The following MAD1L1 variants were observed in gnomAD, a reference collection of about 807,000 sequenced individuals.
The protein encoded by MAD1L1 is mitotic arrest deficient 1 like 1, also known as mitotic spindle assembly checkpoint protein MAD1.
Under a neutral mutation model 96.9 loss-of-function variants are expected in MAD1L1, and 95 were observed. That is an observed-to-expected ratio of 0.98 (90% CI 0.83 to 1.16). The LOEUF (loss-of-function observed/expected upper bound fraction) is 1.16, where lower values mean the gene tolerates loss of function less well. Ranked by LOEUF, MAD1L1 falls within the 50% of genes most tolerant of loss-of-function variation. The pLI is 0.00. For synonymous variants in MAD1L1, 473 were observed against 396.6 expected (o/e 1.19, Z -2.29); for missense variants, 1,007 against 954.4 (o/e 1.06, Z -0.73).
rs181484415 is a variant in MAD1L1 at position 2,044,767 on chromosome 7, C to T, written c.1218+24427G>A. Among the ~76,000 whole-genome samples, 1,184 of 152,276 alleles carry T rather than the reference C, an allele frequency of 7.8e-3. 11 individuals are homozygous for T. The highest frequency in any genetic ancestry group is 9.8e-3 in the Non-Finnish European group (666 of 68,014). On this transcript the variant is annotated intron_variant, in intron 12 of 18. Transcript: ENST00000265854. Reference sequence around the variant, plus strand: ...GGATGACAAGAACTGGAACTGGAGTCCCAGCTCAGTGAGACAGACCCCAAG... The same window carrying T: ...GGATGACAAGAACTGGAACTGGAGTTCCAGCTCAGTGAGACAGACCCCAAG...
chr7:2,083,626 C>T (rs1158134332), intron 11 of MAD1L1, among the ~76,000 whole-genome samples: 2 of 152,214 alleles, frequency 1.3e-5, no homozygotes, highest in South Asian at 2.1e-4. Flanking sequence ...AGATGTCCCC[C>T]GTGGCCAAGA....
chr7:1,939,409 AT>A (rs1778831206), intron 16 of MAD1L1, among the ~76,000 whole-genome samples: 1 of 152,190 alleles, frequency 6.6e-6, no homozygotes, highest in Admixed American at 6.5e-5. Flanking sequence ...AAGTGCTGAG[AT>A]TCTGCAGCTT....
intron 12 of MAD1L1, among the ~76,000 whole-genome samples, chr7:2,025,065 C>A (rs1782941996): frequency 6.6e-6 from 1 of 152,164 alleles, no homozygotes; most frequent in Non-Finnish European, 1.5e-5. Context: ...AGTACTGGTT[C>A]ATGAACTGTA....
chr7:2,124,761 G>A (rs994859192), intron 11 of MAD1L1, among the ~76,000 whole-genome samples: 1 of 152,244 alleles, frequency 6.6e-6, no homozygotes, highest in South Asian at 2.1e-4. Flanking sequence ...CTGGGTGCCC[G>A]GCGCTTGTGG....
Position 1,957,653 on chromosome 7 carries a change from T to C in MAD1L1, c.1572A>G (p.Ala524=), listed in dbSNP as rs771115149. The change falls in exon 16 of 19, where the codon GCA becomes GCG. Residue 524 remains alanine, a synonymous_variant. Coordinates refer to ENST00000265854, the MANE Select transcript of MAD1L1 (RefSeq NM_001013836.2). ...CCTGCAGAGCTCGCCGCTCCAGCTG[T>C]GCCTCCAGCATCCTCTTTTCCTCCT... ...RLEEEKRMLE[A]QLERRALQGD... is the part of the protein sequence containing the mutation. 6 of 1,614,040 alleles carry C rather than the reference T, an allele frequency of 3.7e-6. No individual in the cohort carries two copies. In the African/African-American group the frequency reaches 6.7e-5, roughly 18 times the overall value.
At chr7:2,214,014 C>T (rs930077356) in intron 9 of MAD1L1, among the ~76,000 whole-genome samples, 2 of 152,266 alleles carry the variant, frequency 1.3e-5, no homozygotes, top group Admixed American at 1.3e-4. Context: ...CACAGCCCCT[C>T]CTATGCGCAG....
At chr7:1,983,214 G>A (rs899489038) in intron 14 of MAD1L1, among the ~76,000 whole-genome samples, 9 of 151,088 alleles carry the variant, frequency 6.0e-5, no homozygotes, top group Non-Finnish European at 8.8e-5. Flanking sequence ...TGCAGTTGTT[G>A]GTGTCAATAC....
In MAD1L1 at chr7:2,103,949, A is replaced by G. The variant is rs1185291547; in HGVS notation, c.1074-34611T>C. ...ACGTCGGAGAAAGAGGCCCCCAGACACATGGCAGAGAATCAAATATGCAGC... is the reference window on the plus strand; with the variant it reads ...ACGTCGGAGAAAGAGGCCCCCAGACGCATGGCAGAGAATCAAATATGCAGC... On this transcript the variant is annotated intron_variant, in intron 11 of 18. Coordinates refer to ENST00000265854, the MANE Select transcript of MAD1L1 (RefSeq NM_001013836.2). The surrounding 1 kb of genome is among the most constrained non-coding windows in gnomAD (Gnocchi z 4.3). 6.6e-6 allele frequency among the ~76,000 whole-genome samples: 1 copy of G among 152,216 alleles called. No homozygotes were observed. Among genetic ancestry groups the G allele is most frequent in the Non-Finnish European group, 1.5e-5 (1 of 68,040 alleles).
chr7:2,145,857 CAG>C (rs1201324125), intron 11 of MAD1L1, among the ~76,000 whole-genome samples: 1 of 152,236 alleles, frequency 6.6e-6, no homozygotes, highest in Non-Finnish European at 1.5e-5. Context: ...AGGAACTCCG[CAG>C]AGGAGCCCGA....
chr7:1,990,411 G>A (rs1012059907), intron 14 of MAD1L1, among the ~76,000 whole-genome samples: 1 of 152,232 alleles, frequency 6.6e-6, no homozygotes, highest in Non-Finnish European at 1.5e-5. Context: ...AGGCCTCGGG[G>A]GGATCTTAGG....
At chr7:2,164,003 C>T (rs936184283) in intron 10 of MAD1L1, among the ~76,000 whole-genome samples, 3 of 152,076 alleles carry the variant, frequency 2.0e-5, no homozygotes, top group African/African-American at 4.8e-5. Flanking sequence ...CCATTCATTG[C>T]GAATCTGTGA....
intron 13 of MAD1L1, among the ~76,000 whole-genome samples, chr7:2,006,629 A>G (rs1036441565): frequency 2.0e-5 from 3 of 151,078 alleles, no homozygotes; most frequent in Non-Finnish European, 4.4e-5. Context: ...ACAGCCCAAC[A>G]CAGGAGAGAC....
intron 14 of MAD1L1, 119 bp downstream of exon 14, chr7:2,001,946 G>A (rs983555266): frequency 1.1e-5 from 11 of 1,043,504 alleles, no homozygotes; most frequent in East Asian, 4.8e-5. Context: ...AGCTTCCGAC[G>A]ACAGAAGAGG....
At chr7:2,050,296 A>G in intron 12 of MAD1L1, among the ~76,000 whole-genome samples, 1 of 152,258 alleles carries the variant, frequency 6.6e-6, no homozygotes, top group East Asian at 1.9e-4. Context: ...GTATGAGGCC[A>G]GACCAGAAAC....
At chr7:1,981,563 C>A (rs1240659863) in intron 14 of MAD1L1, among the ~76,000 whole-genome samples, 2 of 152,056 alleles carry the variant, frequency 1.3e-5, no homozygotes, top group Non-Finnish European at 2.9e-5. Flanking sequence ...CAAGTCAGAA[C>A]CTTGTTCCCA....
chr7:1,854,248 T>C (rs1319641188), intron 18 of MAD1L1: 4 of 365,038 alleles, frequency 1.1e-5, no homozygotes, highest in African/African-American at 2.1e-5. Context: ...TGCCTCGGTG[T>C]TGGGTACTGA....
At chr7:1,937,357 A>C (rs1778669031) in intron 16 of MAD1L1, among the ~76,000 whole-genome samples, 1 of 152,198 alleles carries the variant, frequency 6.6e-6, no homozygotes, top group Non-Finnish European at 1.5e-5. Context: ...GGTCAACCAC[A>C]CAGAGATGGA....
At chr7:1,855,381 G>T (rs961428089) in intron 18 of MAD1L1, among the ~76,000 whole-genome samples, 1 of 151,902 alleles carries the variant, frequency 6.6e-6, no homozygotes, top group African/African-American at 2.4e-5. Context: ...CTTAAGTTCC[G>T]CTTCCTTCTG....
At chr7:2,126,993 G>A (rs1423822850) in intron 11 of MAD1L1, among the ~76,000 whole-genome samples, 1 of 152,218 alleles carries the variant, frequency 6.6e-6, no homozygotes, top group African/African-American at 2.4e-5. Context: ...GGCCAAGTCA[G>A]GTGTGAGTTC....
Sources: gnomAD v4.1 joint callset for allele counts (sites outside exome capture counted in the v4.1 genomes callset) on GRCh38, gnomAD v4.1.1 for gene constraint, Gnocchi (gnomAD v3.1) non-coding constraint, MANE v1.5 for transcripts, NCBI Gene and HGNC (gene_info 2026-07-23, HGNC 2026-07-21) for gene names.